The following USP42 variants were observed in gnomAD, a reference collection of about 807,000 sequenced individuals.
USP42 encodes ubiquitin carboxyl-terminal hydrolase 42.
USP42 carries 23 observed loss-of-function variants against 113.0 expected under a neutral mutation model. That is an observed-to-expected ratio of 0.20 (90% CI 0.15 to 0.29). The LOEUF (loss-of-function observed/expected upper bound fraction) is 0.29, where lower values mean the gene tolerates loss of function less well. Among genes scored for constraint, USP42 ranks in the 10% least tolerant of loss-of-function variants. USP42 has a pLI of 1.00. For synonymous variants in USP42, 933 were observed against 699.0 expected (o/e 1.33, Z -5.28); for missense variants, 2,174 against 1,779.8 (o/e 1.22, Z -3.99).
chr7:6,125,887 A>G (rs1482871115), intron 3 of USP42, among the ~76,000 whole-genome samples: 1 of 151,410 alleles, frequency 6.6e-6, no homozygotes, highest in Non-Finnish European at 1.5e-5. Flanking sequence ...TATTTGTGGT[A>G]ACTAGATTCA....
the USP42 span, among the ~76,000 whole-genome samples, chr7:6,088,278 G>A: frequency 2.7e-5 from 4 of 150,330 alleles, no homozygotes; most frequent in Admixed American, 1.3e-4. Flanking sequence ...TTTTTGCGAC[G>A]GAGTCTTGAT....
chr7:6,115,175 TA>T, intron 2 of USP42, 147 bp from the exon 3 acceptor site: 1 of 741,370 alleles, frequency 1.3e-6, no homozygotes, highest in Non-Finnish European at 2.2e-6. Flanking sequence ...TTCTGTCTTT[TA>T]AAATGTCCCT....
At chr7:6,129,854 C>CT (rs1484727530) in intron 3 of USP42, among the ~76,000 whole-genome samples, 5 of 138,294 alleles carry the variant, frequency 3.6e-5, no homozygotes, top group African/African-American at 1.1e-4. Context: ...GAGTGAGACT[C>CT]TGTCTCAAAA....
intron 15 of USP42, among the ~76,000 whole-genome samples, chr7:6,156,434 GT>G (rs1782447471): frequency 6.6e-6 from 1 of 152,172 alleles, no homozygotes; most frequent in Non-Finnish European, 1.5e-5. Flanking sequence ...GACTGAAACA[GT>G]CATTACAGTG....
intron 3 of USP42, among the ~76,000 whole-genome samples, chr7:6,117,530 C>T (rs1299839654): frequency 6.6e-6 from 1 of 152,184 alleles, no homozygotes; most frequent in African/African-American, 2.4e-5. Flanking sequence ...TTTGTTAGGA[C>T]ATGTTTTCAT....
the USP42 span, among the ~76,000 whole-genome samples, chr7:6,082,156 T>G: frequency 5.3e-5 from 8 of 150,404 alleles, no homozygotes; most frequent in Non-Finnish European, 1.0e-4. Context: ...TGAGATAGAG[T>G]CTCGCTTTGT....
intron 3 of USP42, among the ~76,000 whole-genome samples, chr7:6,125,899 A>G (rs1217019951): frequency 6.6e-6 from 1 of 151,856 alleles, no homozygotes; most frequent in Non-Finnish European, 1.5e-5. Flanking sequence ...CTAGATTCAC[A>G]TGCACTTGTA....
chr7:6,098,710 A>G, the USP42 span, among the ~76,000 whole-genome samples: 2 of 149,578 alleles, frequency 1.3e-5, no homozygotes, highest in African/African-American at 5.0e-5. Flanking sequence ...ACACCTGGCT[A>G]ATTTTTGTAT....
chr7:6,135,043 G>T (rs1327632429), intron 3 of USP42, among the ~76,000 whole-genome samples: 2 of 152,176 alleles, frequency 1.3e-5, no homozygotes, highest in African/African-American at 4.8e-5. Context: ...ACCCACCTCA[G>T]CTTCCCAGAG....
chr7:6,148,351 A>C (rs1433089098), intron 12 of USP42, among the ~76,000 whole-genome samples: 2 of 152,070 alleles, frequency 1.3e-5, no homozygotes, highest in African/African-American at 4.8e-5. Context: ...ATAACCCCCC[A>C]AAAAAACAAA....
the USP42 span, among the ~76,000 whole-genome samples, chr7:6,092,178 C>CTTTT: frequency 2.2e-5 from 2 of 91,424 alleles, no homozygotes; most frequent in Admixed American, 1.3e-4. Flanking sequence ...TTCTTCTTCT[C>CTTTT]TTTTTTTTTT....
rs184987363 is a variant in USP42, at chr7:6,153,855, C to A, written c.2301C>A (p.Ala767=). ...CCCTGGAGGAGCCAGATGCGGCCGC[C>A]GGCCTCAGCAGCACCAAGAAGGCTC... is the stretch of plus-strand genomic sequence containing the variant. ...AESLEEPDAA[A]GLSSTKKAPP... is the part of the protein sequence containing the mutation. The change falls in exon 15 of 18, where the codon GCC becomes GCA. Residue 767 remains alanine, a synonymous_variant. Coordinates refer to ENST00000306177, the MANE Select transcript of USP42 (RefSeq NM_032172.3). The A allele has an allele frequency of 3.4e-4, 532 of 1,550,124 alleles. 2 individuals are homozygous for A. The African/African-American group carries it at 5.8e-3, about 17-fold the overall frequency.
chr7:6,115,196 G>A lies in USP42; in HGVS notation c.242-127G>A, dbSNP rs113658052. The A allele has an allele frequency of 3.5e-6, 3 of 862,022 alleles. No homozygotes were observed. The East Asian group carries it at 7.5e-5, about 21-fold the overall frequency. 53.4% of individuals were successfully genotyped at this position (862,022 alleles called of 1,614,324 possible). On this transcript the variant is annotated intron_variant, in intron 2 of 17. Transcript: ENST00000306177. ...CTTTTAAAATGTCCCTCTTCCCCCTGTATTTCAGGTAGGCTGGTCATGAGA... is the reference window on the plus strand; with the variant it reads ...CTTTTAAAATGTCCCTCTTCCCCCTATATTTCAGGTAGGCTGGTCATGAGA...
chr7:6,130,659 T>C (rs1201030961), intron 3 of USP42, among the ~76,000 whole-genome samples: 1 of 152,166 alleles, frequency 6.6e-6, no homozygotes, highest in Admixed American at 6.5e-5. Context: ...TCAAGGCTGT[T>C]TACTTGCCTT....
rs28589289 is a variant in USP42, at chr7:6,128,469, A to C, written c.443-7372A>C. Among the ~76,000 whole-genome samples the C allele has an allele frequency of 2.6e-5, 4 of 151,992 alleles. No homozygotes were observed. In the East Asian group the frequency reaches 7.7e-4, roughly 29 times the overall value. ...TTGTTTTGATTAATGCTTGCATGAC[A>C]TATCTTTTTTATCCTTTTACTTTCA... On this transcript the variant is annotated intron_variant, in intron 3 of 17. Transcript: ENST00000306177.
At chr7:6,141,009 A>G (rs749593344) in intron 7 of USP42, 25 bp downstream of exon 7, 12 of 1,217,096 alleles carry the variant, frequency 9.9e-6, no homozygotes, top group Non-Finnish European at 1.4e-5. Context: ...TATGGGAGTA[A>G]TTACATTTTT....
chr7:6,120,051 C>A (rs998719807), intron 3 of USP42, among the ~76,000 whole-genome samples: 4 of 152,016 alleles, frequency 2.6e-5, no homozygotes, highest in African/African-American at 4.8e-5. Context: ...CTGCAACCTA[C>A]GCCCCCGGGT....
rs1237178746 is a variant in USP42 at position 6,147,640 on chromosome 7, G to A, written c.1233-99G>A. ...CATAAACATGCTATTTTTTTCATCAGGTTTCCGCCTGAGGGGTTAAATGCT... is the reference window on the plus strand; with the variant it reads ...CATAAACATGCTATTTTTTTCATCAAGTTTCCGCCTGAGGGGTTAAATGCT... On this transcript the variant is annotated intron_variant, in intron 11 of 17. Transcript: ENST00000306177. The A allele has an allele frequency of 3.6e-6, 5 of 1,388,016 alleles. No individual in the cohort carries two copies. The African/African-American group carries it at 7.3e-5, about 20-fold the overall frequency. The allele number at this position is 1,388,016 out of a possible 1,614,324, so 86.0% of individuals were successfully genotyped here. A position where few individuals can be genotyped will look rare whatever the true frequency, so the allele number is the denominator to read the frequency against.
At position 6,135,895 on chromosome 7, in the gene USP42, C is replaced by T. The variant is rs61757573; in HGVS notation, c.497C>T (p.Ala166Val). 6,699 of 1,610,358 alleles carry T rather than the reference C, an allele frequency of 4.2e-3. 26 individuals carry two copies. The highest frequency in any genetic ancestry group is 5.1e-3 in the Non-Finnish European group (6,008 of 1,178,400). The change falls in exon 4 of 18, where the codon GCA becomes GTA. Residue 166 changes from alanine (A) to valine (V), a missense_variant. By Grantham distance (64) the Ala-to-Val change is moderately conservative. Coordinates refer to ENST00000306177, the MANE Select transcript of USP42 (RefSeq NM_032172.3). ...MCTMQAHITQ[A>V]LSNPGDVIKP... ...ACAATGCAAGCACATATTACCCAGG[C>T]ACTCAGTAATCCTGGGGACGTTATT...
Sources: gnomAD v4.1 joint callset for allele counts (sites outside exome capture counted in the v4.1 genomes callset) on GRCh38, gnomAD v4.1.1 for gene constraint, MANE v1.5 for transcripts, NCBI Gene and HGNC (gene_info 2026-07-23, HGNC 2026-07-21) for gene names.